PTPRO: variants seen among roughly 807,000 people sequenced by gnomAD.
PTPRO encodes the protein protein tyrosine phosphatase receptor type O.
In PTPRO, 62 loss-of-function variants were observed where a neutral mutation model predicts 145.2. The observed-to-expected ratio is 0.43, with a 90% confidence interval of 0.35 to 0.53. The LOEUF is 0.53. Ranked by LOEUF, PTPRO falls within the 20% of genes least tolerant of loss-of-function variation. The probability of loss-of-function intolerance (pLI) is 0.01; values close to 1 mark genes in which losing one functional copy is unlikely to be tolerated. For synonymous variants in PTPRO, 565 were observed against 514.7 expected (o/e 1.10, Z -1.32); for missense variants, 1,345 against 1,482.7 (o/e 0.91, Z 1.53).
intron 1 of PTPRO, among the ~76,000 whole-genome samples, chr12:15,366,535 G>A (rs1381657714): frequency 6.6e-6 from 1 of 152,082 alleles, no homozygotes; most frequent in African/African-American, 2.4e-5. Flanking sequence ...TAAAATACCT[G>A]TAGGAATTTC....
chr12:15,397,937 A>C (rs1304014680), intron 1 of PTPRO, among the ~76,000 whole-genome samples: 1 of 152,158 alleles, frequency 6.6e-6, no homozygotes, highest in African/African-American at 2.4e-5. Flanking sequence ...GCCTTGACCC[A>C]TCTACAAACC....
At chr12:15,565,739 A>C (rs1454897686) in intron 18 of PTPRO, 111 bp downstream of exon 18, 1 of 805,180 alleles carries the variant, frequency 1.2e-6, no homozygotes, top group African/African-American at 1.7e-5. Flanking sequence ...AAAGAGGCAA[A>C]TGCATATTAC....
chr12:15,358,767 C>G (rs1384811027), intron 1 of PTPRO, among the ~76,000 whole-genome samples: 1 of 152,200 alleles, frequency 6.6e-6, no homozygotes, highest in Non-Finnish European at 1.5e-5. Flanking sequence ...ACAGATGTTG[C>G]TGATAAAATG....
intron 1 of PTPRO, among the ~76,000 whole-genome samples, chr12:15,339,906 C>G (rs929751618): frequency 6.6e-6 from 1 of 152,140 alleles, no homozygotes; most frequent in Non-Finnish European, 1.5e-5. Context: ...ATGTACATAA[C>G]CATGCCACCA....
chr12:15,534,529 G>C (rs1254458733), intron 12 of PTPRO, among the ~76,000 whole-genome samples: 1 of 152,120 alleles, frequency 6.6e-6, no homozygotes, highest in African/African-American at 2.4e-5. Flanking sequence ...GATGGTAATA[G>C]TGCTGTACAG....
chr12:15,448,151 T>C (rs1349806696), intron 1 of PTPRO, among the ~76,000 whole-genome samples: 1 of 151,816 alleles, frequency 6.6e-6, no homozygotes, highest in South Asian at 2.1e-4. Context: ...CTATAAGATA[T>C]CAAAATGCCA....
At chr12:15,385,831 A>G (rs567654884) in intron 1 of PTPRO, among the ~76,000 whole-genome samples, 61 of 150,572 alleles carry the variant, frequency 4.1e-4, no homozygotes, top group Middle Eastern at 3.4e-3. Context: ...AAAAAAAAAA[A>G]AAGAAGAAGA....
At chr12:15,444,622 G>A (rs1940855461) in intron 1 of PTPRO, among the ~76,000 whole-genome samples, 1 of 149,814 alleles carries the variant, frequency 6.7e-6, no homozygotes, top group South Asian at 2.1e-4. Flanking sequence ...TCCCCAATGT[G>A]ACAATATTTG....
intron 1 of PTPRO, among the ~76,000 whole-genome samples, chr12:15,458,126 A>G (rs970832493): frequency 6.6e-6 from 1 of 152,168 alleles, no homozygotes; most frequent in African/African-American, 2.4e-5. Flanking sequence ...TTGGCCATAT[A>G]TAGTGTTCTT....
chr12:15,526,846 A>G (rs1274534196), intron 12 of PTPRO, among the ~76,000 whole-genome samples: 2 of 152,148 alleles, frequency 1.3e-5, no homozygotes, highest in Non-Finnish European at 2.9e-5. Flanking sequence ...AGAAATAAAA[A>G]GATCATTAGT....
Position 15,503,934 on chromosome 12 carries a change from G to A in PTPRO, c.1132G>A (p.Asp378Asn). The stretch of plus-strand genomic sequence containing the variant: ...GAACTTTACTGAATATTTGATGGTG[G>A]ATGAAGAAGCACATGAATTTGTTGC... ...EENFTEYLMVDEEAHEFVAEL... is the reference protein window; with the variant it reads ...EENFTEYLMVNEEAHEFVAEL... Residue 378 changes from aspartate (D) to asparagine (N), a missense_variant, in exon 6 of 27, where the codon GAT becomes AAT. Asp to Asn is a conservative substitution (Grantham distance 23, BLOSUM62 1). This residue lies in a region of PTPRO where 1,130 missense variants were observed against 1,214.7 expected (regional missense o/e 0.93). Transcript: ENST00000281171. 5 of 1,584,146 alleles carry A rather than the reference G, an allele frequency of 3.2e-6. No individual in the cohort carries two copies. Among genetic ancestry groups the A allele is most frequent in the Non-Finnish European group, 4.3e-6 (5 of 1,153,354 alleles).
At chr12:15,540,445 T>A (rs1157702863) in intron 12 of PTPRO, among the ~76,000 whole-genome samples, 1 of 152,242 alleles carries the variant, frequency 6.6e-6, no homozygotes, top group Non-Finnish European at 1.5e-5. Context: ...TAACAATACT[T>A]TTCTACTTAA....
chr12:15,378,555 T>C (rs1050015940), intron 1 of PTPRO, among the ~76,000 whole-genome samples: 1 of 152,150 alleles, frequency 6.6e-6, no homozygotes, highest in African/African-American at 2.4e-5. Context: ...TAATTTAAGA[T>C]ATTCCAGTAA....
intron 10 of PTPRO, among the ~76,000 whole-genome samples, chr12:15,523,316 A>G (rs978545356): frequency 3.9e-5 from 6 of 152,246 alleles, no homozygotes; most frequent in Non-Finnish European, 8.8e-5. Flanking sequence ...ACTGTCTTCA[A>G]ACCAACATAC....
At chr12:15,570,714 A>T (rs1433414680) in intron 19 of PTPRO, among the ~76,000 whole-genome samples, 1 of 152,182 alleles carries the variant, frequency 6.6e-6, no homozygotes, top group Non-Finnish European at 1.5e-5. Flanking sequence ...CTTTTTTTCT[A>T]AGCAAACATG....
In PTPRO at chr12:15,484,235, A is replaced by G; in HGVS notation, c.337A>G (p.Thr113Ala). ...NVVTKPSRSI[T>A]VLTKPLPVTS... ...GGTGACCAAGCCATCCAGATCAATC[A>G]CTGTGTTAACAAGTAAGCATCATGT... Residue 113 changes from threonine to alanine, a missense_variant, in exon 2 of 27, where the codon ACT (threonine) becomes GCT (alanine). By Grantham distance (58) the Thr-to-Ala change is moderately conservative. This residue lies in a region of PTPRO where 1,130 missense variants were observed against 1,214.7 expected (regional missense o/e 0.93). Transcript: ENST00000281171. The G allele has an allele frequency of 6.2e-7, 1 of 1,613,390 alleles. No individual in the cohort carries two copies. The highest frequency in any genetic ancestry group is 8.5e-7 in the Non-Finnish European group (1 of 1,179,580).
In PTPRO at chr12:15,597,043, T is replaced by C. The variant is rs1192605061; in HGVS notation, c.*970T>C. 6.6e-6 allele frequency: 1 copy of C among 152,652 alleles called. No individual in the cohort carries two copies. Among genetic ancestry groups the C allele is most frequent in the Non-Finnish European group, 1.5e-5 (1 of 68,042 alleles). 9.5% of individuals were successfully genotyped at this position (152,652 alleles called of 1,614,324 possible). A position where few individuals can be genotyped will look rare whatever the true frequency, so the allele number is the denominator to read the frequency against. On this transcript the variant is annotated 3_prime_UTR_variant, in exon 27 of 27. Transcript: ENST00000281171. Reference sequence around the variant, plus strand: ...CCCAAAGAGCTGGGAATTTATGAAGTTATGGCAATGAACTGCAGCATGCTG... The same window carrying C: ...CCCAAAGAGCTGGGAATTTATGAAGCTATGGCAATGAACTGCAGCATGCTG...
At chr12:15,559,225 A>G (rs540858689) in intron 16 of PTPRO, among the ~76,000 whole-genome samples, 1 of 152,326 alleles carries the variant, frequency 6.6e-6, no homozygotes, top group Admixed American at 6.5e-5. Flanking sequence ...GCAAAAAAGA[A>G]TTCACTTCAG....
At chr12:15,326,772 A>G (rs567189188) in intron 1 of PTPRO, among the ~76,000 whole-genome samples, 29 of 152,344 alleles carry the variant, frequency 1.9e-4, no homozygotes, top group African/African-American at 7.0e-4. Context: ...CTTAACAACA[A>G]TGACCACAAG....
Sources: allele counts gnomAD v4.1 joint callset (sites outside exome capture counted in the v4.1 genomes callset), GRCh38; gene constraint gnomAD v4.1.1; regional missense constraint gnomAD v4.1.1; transcripts MANE v1.5; gene names NCBI Gene and HGNC (gene_info 2026-07-23, HGNC 2026-07-21).